Variants in SUMF1 observed in about 807,000 individuals in gnomAD.
SUMF1 encodes the protein sulfatase modifying factor 1.
SUMF1 carries 48 observed loss-of-function variants against 47.6 expected under a neutral mutation model. The observed-to-expected ratio is 1.01, with a 90% CI of 0.80 to 1.28. The LOEUF (loss-of-function observed/expected upper bound fraction) is 1.28, where lower values mean the gene tolerates loss of function less well. Among genes scored for constraint, SUMF1 ranks in the 50% most tolerant of loss-of-function variants. The pLI, the probability that SUMF1 is intolerant of heterozygous loss-of-function variation, is 0.00. For synonymous variants in SUMF1, 230 were observed against 192.1 expected (o/e 1.20, Z -1.63); for missense variants, 571 against 485.4 (o/e 1.18, Z -1.66).
chr3:4,242,844 G>C (rs1016520751), intron 8 of SUMF1, among the ~76,000 whole-genome samples: 1 of 152,222 alleles, frequency 6.6e-6, no homozygotes, highest in Non-Finnish European at 1.5e-5. Context: ...TTTTCTGAAA[G>C]AATGGTACCA....
In SUMF1 at chr3:4,380,879, CCT is replaced by C. The variant is rs1172717185; in HGVS notation, c.955-4492_955-4491del. 3.3e-5 allele frequency among the ~76,000 whole-genome samples: 5 copies of C among 152,230 alleles called. No homozygotes were observed. In the South Asian group the frequency reaches 8.3e-4, roughly 25 times the overall value. On this transcript the variant is annotated intron_variant, in intron 7 of 8. Transcript: ENST00000272902. Reference sequence around the variant, plus strand: ...CAGCATTAGTGCAGAGAAATCTACCCCTGTTTAAAACACCTGGGAGGGCATGT... The same window carrying C: ...CAGCATTAGTGCAGAGAAATCTACCCGTTTAAAACACCTGGGAGGGCATGT...
intron 8 of SUMF1, among the ~76,000 whole-genome samples, chr3:4,140,270 T>C (rs1328185491): frequency 6.6e-6 from 1 of 152,100 alleles, no homozygotes; most frequent in African/African-American, 2.4e-5. Flanking sequence ...TGTAATAAAA[T>C]AGGGATCTTA....
chr3:4,234,576 A>T (rs1696369154), intron 8 of SUMF1, among the ~76,000 whole-genome samples: 1 of 152,156 alleles, frequency 6.6e-6, no homozygotes, highest in Non-Finnish European at 1.5e-5. Context: ...GCCTAGTAGG[A>T]TCATTTGTGC....
intron 8 of SUMF1, among the ~76,000 whole-genome samples, chr3:4,218,368 A>T (rs1465759603): frequency 6.6e-6 from 1 of 152,182 alleles, no homozygotes; most frequent in Non-Finnish European, 1.5e-5. Flanking sequence ...GTGGGGGAAA[A>T]GTTAAATTGT....
intron 8 of SUMF1, among the ~76,000 whole-genome samples, chr3:4,111,255 G>A (rs1693299403): frequency 1.3e-5 from 2 of 151,848 alleles, no homozygotes; most frequent in Admixed American, 1.3e-4. Flanking sequence ...CGCCAATACT[G>A]TATTTTCATT....
chr3:4,066,673 C>T (rs1484449062), intron 9 of SUMF1, among the ~76,000 whole-genome samples: 1 of 152,098 alleles, frequency 6.6e-6, no homozygotes, highest in Non-Finnish European at 1.5e-5. Context: ...CCCATTTTAG[C>T]TGGTTAGAAA....
intron 8 of SUMF1, among the ~76,000 whole-genome samples, chr3:4,250,389 G>A (rs1445653674): frequency 6.6e-6 from 1 of 152,038 alleles, no homozygotes; most frequent in African/African-American, 2.4e-5. Context: ...TGGCTCATGA[G>A]GTTTGAGAAA....
At chr3:4,378,388 T>C (rs752140088) in intron 7 of SUMF1, among the ~76,000 whole-genome samples, 1 of 152,184 alleles carries the variant, frequency 6.6e-6, no homozygotes. Context: ...TCAAAAAAAA[T>C]CTTAAGTCAA....
intron 8 of SUMF1, among the ~76,000 whole-genome samples, chr3:4,363,833 C>T (rs1699855591): frequency 7.4e-6 from 1 of 134,484 alleles, no homozygotes; most frequent in Non-Finnish European, 1.6e-5. Flanking sequence ...CAGTTTTTGC[C>T]CATTCAGTGT....
At chr3:4,109,712 C>T (rs549471300) in intron 8 of SUMF1, among the ~76,000 whole-genome samples, 2 of 152,080 alleles carry the variant, frequency 1.3e-5, no homozygotes, top group East Asian at 1.9e-4. Flanking sequence ...TCCAGTTGAT[C>T]GCATCGGCTC....
At chr3:4,281,532 T>C (rs1697528972) in intron 8 of SUMF1, among the ~76,000 whole-genome samples, 1 of 152,032 alleles carries the variant, frequency 6.6e-6, no homozygotes, top group African/African-American at 2.4e-5. Flanking sequence ...GCCACACACT[T>C]AATAAGTAGC....
intron 8 of SUMF1, chr3:4,317,253 T>A: frequency 1.3e-6 from 2 of 1,518,506 alleles, no homozygotes; most frequent in Non-Finnish European, 1.8e-6. Flanking sequence ...TTAATAAAAA[T>A]GCGTTGAGCC....
intron 8 of SUMF1, among the ~76,000 whole-genome samples, chr3:4,140,871 T>G (rs1036548410): frequency 4.6e-5 from 7 of 152,016 alleles, no homozygotes; most frequent in Non-Finnish European, 1.0e-4. Context: ...TCTCAAGGAA[T>G]TGAGATTATT....
intron 9 of SUMF1, among the ~76,000 whole-genome samples, chr3:4,034,956 G>A (rs1316550272): frequency 6.6e-6 from 1 of 151,676 alleles, no homozygotes; most frequent in Non-Finnish European, 1.5e-5. Flanking sequence ...CAAGCAGAAG[G>A]AAGGTCCAGA....
intron 7 of SUMF1, among the ~76,000 whole-genome samples, chr3:4,395,779 A>C (rs1260163095): frequency 6.6e-6 from 1 of 152,202 alleles, no homozygotes; most frequent in Non-Finnish European, 1.5e-5. Context: ...AATATAAGTC[A>C]CTTTCAGACC....
intron 8 of SUMF1, among the ~76,000 whole-genome samples, chr3:4,127,890 G>A (rs1165742568): frequency 3.9e-5 from 6 of 152,104 alleles, no homozygotes; most frequent in Admixed American, 3.9e-4. Context: ...AACAGTGATA[G>A]TCCTTGGCAT....
chr3:4,078,915 T>C (rs1029144532), intron 8 of SUMF1, among the ~76,000 whole-genome samples: 2 of 152,120 alleles, frequency 1.3e-5, no homozygotes, highest in Non-Finnish European at 2.9e-5. Flanking sequence ...TTAAAGTTTA[T>C]ACTCTTAAAA....
chr3:4,190,004 T>G (rs1182631381), intron 8 of SUMF1, among the ~76,000 whole-genome samples: 1 of 152,164 alleles, frequency 6.6e-6, no homozygotes, highest in Non-Finnish European at 1.5e-5. Flanking sequence ...CTGTTGTGCT[T>G]AACAACATCA....
At chr3:4,117,538 T>C (rs1269402148) in intron 8 of SUMF1, among the ~76,000 whole-genome samples, 1 of 152,110 alleles carries the variant, frequency 6.6e-6, no homozygotes, top group Non-Finnish European at 1.5e-5. Flanking sequence ...GGTGGCTTCG[T>C]AAGACAGAGG....
Sources: gnomAD v4.1 joint callset for allele counts (sites outside exome capture counted in the v4.1 genomes callset) on GRCh38, gnomAD v4.1.1 for gene constraint, MANE v1.5 for transcripts, NCBI Gene and HGNC (gene_info 2026-07-23, HGNC 2026-07-21) for gene names.